Variants in WWP2 observed in about 807,000 individuals in gnomAD.
WWP2 encodes the protein WW domain containing E3 ubiquitin protein ligase 2, also known as NEDD4-like E3 ubiquitin-protein ligase WWP2.
A neutral mutation model predicts 121.0 loss-of-function variants in WWP2; 57 were observed. That is an observed-to-expected ratio of 0.47 (90% CI 0.38 to 0.59). WWP2 has a LOEUF of 0.59. WWP2 is among the 20% of genes least tolerant of loss of function. The probability of loss-of-function intolerance (pLI) is 0.00; values close to 1 mark genes in which losing one functional copy is unlikely to be tolerated. For missense variants in WWP2, 962 were observed against 1,158.9 expected, an observed-to-expected ratio of 0.83 and a Z score of 2.47; for synonymous variants, 449 against 441.3, an observed-to-expected ratio of 1.02 and a Z score of -0.22.
chr16:69,936,868 G>A (rs2058807609), intron 19 of WWP2: 2 of 516,656 alleles, frequency 3.9e-6, no homozygotes, highest in East Asian at 3.4e-5. Context: ...TACGTCTGAG[G>A]TTCAGTCGGC....
chr16:69,830,408 G>A (rs2965763), intron 4 of WWP2, among the ~76,000 whole-genome samples: 129,786 of 152,178 alleles, frequency 0.85, 55,617 homozygotes, highest in Admixed American at 0.91. Flanking sequence ...TTTCCTGAAT[G>A]AATGAACAAG....
Position 69,919,967 on chromosome 16 carries a change from G to A in WWP2, c.1179+2084G>A, listed in dbSNP as rs139607226. ...CACAGTCACACCTGGCTAATTTTTT[G>A]TATTTTTAGTAGAGATGGGGTTTTG... On this transcript the variant is annotated intron_variant, in intron 10 of 23. Transcript: ENST00000359154. 6.6e-5 allele frequency among the ~76,000 whole-genome samples: 10 copies of A among 151,950 alleles called. No homozygotes were observed. The East Asian group carries it at 1.6e-3, about 24-fold the overall frequency.
intron 1 of WWP2, among the ~76,000 whole-genome samples, chr16:69,777,033 GTA>G (rs1009149265): frequency 1.3e-5 from 2 of 151,134 alleles, no homozygotes; most frequent in African/African-American, 4.9e-5. Context: ...TCTTAAAACA[GTA>G]TATGTGTGTG....
chr16:69,798,610 G>A, intron 2 of WWP2, 72 bp from the exon 3 acceptor site: 3 of 1,499,770 alleles, frequency 2.0e-6, no homozygotes, highest in Non-Finnish European at 9.0e-7. Flanking sequence ...AAAAGAGCCG[G>A]AACATCTGCC....
Position 69,925,509 on chromosome 16 carries a change from C to T in WWP2, c.1234+25C>T, listed in dbSNP as rs201280028. The T allele has an allele frequency of 6.2e-7, 1 of 1,612,152 alleles. No homozygotes were observed. The highest frequency in any genetic ancestry group is 1.7e-5 in the Admixed American group (1 of 59,334). On this transcript the variant is annotated intron_variant, in intron 11 of 23. Transcript: ENST00000359154. The surrounding 1 kb of genome is among the most constrained non-coding windows in gnomAD (Gnocchi z 4.0). ...GGTAAGTACTGAGTTCTCTTCCTGG[C>T]CCTTGGCCTTCCGTCAGCCACGGTG...
chr16:69,865,399 G>A (rs1445182226), intron 6 of WWP2, among the ~76,000 whole-genome samples: 1 of 152,120 alleles, frequency 6.6e-6, no homozygotes, highest in Non-Finnish European at 1.5e-5. Flanking sequence ...TCTGATTGCT[G>A]AATTTTAAGA....
Position 69,935,744 on chromosome 16 carries a change from G to T in WWP2, c.1843-109G>T. The T allele has an allele frequency of 6.7e-7, 1 of 1,486,398 alleles. No individual in the cohort carries two copies. The highest frequency in any genetic ancestry group is 9.0e-7 in the Non-Finnish European group (1 of 1,108,530). 92.1% of individuals were successfully genotyped at this position (1,486,398 alleles called of 1,614,324 possible). ...GCAGCTGCTGCTGTAGTTCTGTCAG[G>T]GAAGGAAGGCGGGTAGCGGTAGCAG... On this transcript the variant is annotated intron_variant, in intron 17 of 23. Transcript: ENST00000359154. The surrounding 1 kb of genome is among the most constrained non-coding windows in gnomAD (Gnocchi z 5.2).
At chr16:69,767,837 CTTTA>C (rs1314767595) in intron 1 of WWP2, among the ~76,000 whole-genome samples, 7 of 152,078 alleles carry the variant, frequency 4.6e-5, no homozygotes, top group Non-Finnish European at 1.0e-4. Context: ...TTTCTTTCTT[CTTTA>C]TTTGTTTTGC....
chr16:69,776,680 T>G (rs948086788), intron 1 of WWP2, among the ~76,000 whole-genome samples: 4 of 152,036 alleles, frequency 2.6e-5, no homozygotes, highest in Non-Finnish European at 4.4e-5. Context: ...TACAAAACAT[T>G]AGCTGGGCGT....
chr16:69,845,000 T>C (rs1016853462), intron 6 of WWP2, among the ~76,000 whole-genome samples: 1 of 152,214 alleles, frequency 6.6e-6, no homozygotes, highest in Admixed American at 6.5e-5. Context: ...TGCTTATGAC[T>C]GTAGGCGGTG....
chr16:69,762,684 A>G (rs191887293), intron 1 of WWP2, among the ~76,000 whole-genome samples: 40 of 152,094 alleles, frequency 2.6e-4, no homozygotes, highest in Admixed American at 5.9e-4. Context: ...AGAGGAGCTT[A>G]GGTTCCCAGG....
chr16:69,766,005 C>T (rs1390964878), intron 1 of WWP2, among the ~76,000 whole-genome samples: 3 of 152,134 alleles, frequency 2.0e-5, no homozygotes, highest in African/African-American at 4.8e-5. Context: ...TAACAGCTTC[C>T]ATATGTGTGT....
rs575838890 is a variant in WWP2, at chr16:69,769,090, G to A, written c.-16+6699G>A. ...TCCCAGCACTTTGGGAGGCCAAGGCGGGTGGATCATGAGGTCAGGAGATCG... is the reference window on the plus strand; with the variant it reads ...TCCCAGCACTTTGGGAGGCCAAGGCAGGTGGATCATGAGGTCAGGAGATCG... On this transcript the variant is annotated intron_variant, in intron 1 of 23. Transcript: ENST00000359154. Among the ~76,000 whole-genome samples the A allele has an allele frequency of 2.6e-5, 4 of 152,222 alleles. No individual in the cohort carries two copies. The South Asian group carries it at 6.2e-4, about 24-fold the overall frequency.
chr16:69,886,589 G>A (rs759662819), intron 7 of WWP2, among the ~76,000 whole-genome samples: 25 of 152,090 alleles, frequency 1.6e-4, no homozygotes, highest in African/African-American at 4.8e-4. Flanking sequence ...GTGAAACCCC[G>A]TCTCTATTAA....
chr16:69,882,580 C>T lies in WWP2; in HGVS notation c.704-5459C>T, dbSNP rs371126312. 1.2e-4 allele frequency among the ~76,000 whole-genome samples: 18 copies of T among 152,276 alleles called. No homozygotes were observed. In the South Asian group the frequency reaches 3.3e-3, roughly 28 times the overall value. On this transcript the variant is annotated intron_variant, in intron 7 of 23. Coordinates refer to ENST00000359154, the MANE Select transcript of WWP2 (RefSeq NM_001270454.2). ...AAAACAGCATGTCACAGGGGCTGTG[C>T]GACTGTGTAGCTGAGACCATGGGTG...
At chr16:69,920,321 C>G (rs552715201) in intron 10 of WWP2, among the ~76,000 whole-genome samples, 2 of 152,324 alleles carry the variant, frequency 1.3e-5, no homozygotes, top group African/African-American at 4.8e-5. Flanking sequence ...GCCCAGTGCG[C>G]TCTGCACACT....
rs1567436134 is a variant in WWP2, at chr16:69,925,076, G to A, written c.1180-354G>A. ...CGCCTTGAGCCGGAGCTGAGCGGAG[G>A]CACTGGGCCGAGCCTGCTTCCCGGG... On this transcript the variant is annotated intron_variant, in intron 10 of 23. Transcript: ENST00000359154. The surrounding 1 kb of genome is among the most constrained non-coding windows in gnomAD (Gnocchi z 4.0). The A allele has an allele frequency of 3.9e-5, 41 of 1,047,538 alleles. No homozygotes were observed. The highest frequency in any genetic ancestry group is 4.7e-5 in the Non-Finnish European group (41 of 870,192). The allele number at this position is 1,047,538 out of a possible 1,614,324, so 64.9% of individuals were successfully genotyped here. A position where few individuals can be genotyped will look rare whatever the true frequency, so the allele number is the denominator to read the frequency against.
chr16:69,885,102 TACACACACACACACACACAC>T lies in WWP2; in HGVS notation c.704-2917_704-2898del, dbSNP rs3051438. On this transcript the variant is annotated intron_variant, in intron 7 of 23. Transcript: ENST00000359154. ...ACACCACTCTTTTACAAACTCCTCC[TACACACACACACACACACAC>T]ACACACACACACACACACATTCTTC... 3.6e-5 allele frequency among the ~76,000 whole-genome samples: 5 copies of T among 140,046 alleles called. No individual in the cohort carries two copies. In the South Asian group the frequency reaches 9.7e-4, roughly 27 times the overall value. 91.9% of individuals were successfully genotyped at this position (140,046 alleles called of 152,430 possible).
chr16:69,808,580 T>G (rs147206733), intron 4 of WWP2, among the ~76,000 whole-genome samples: 6,957 of 152,268 alleles, frequency 0.046, 186 homozygotes, highest in South Asian at 0.087. Context: ...TTTTGTATTT[T>G]CAGCAGAGAC....
Sources: allele counts gnomAD v4.1 joint callset (sites outside exome capture counted in the v4.1 genomes callset), GRCh38; gene constraint gnomAD v4.1.1; non-coding constraint Gnocchi (gnomAD v3.1); transcripts MANE v1.5; gene names NCBI Gene and HGNC (gene_info 2026-07-23, HGNC 2026-07-21).